Variants in CSTPP1 observed in about 807,000 individuals in gnomAD.
CSTPP1 encodes the protein centriolar satellite-associated tubulin polyglutamylase complex regulator 1.
chr11:46,978,792 G>A, the CSTPP1 span, among the ~76,000 whole-genome samples: 24 of 152,214 alleles, frequency 1.6e-4, no homozygotes, highest in African/African-American at 5.1e-4. Context: ...CCCCACCTTC[G>A]TGCAGAGCCA....
At chr11:47,031,638 A>G in the CSTPP1 span, among the ~76,000 whole-genome samples, 1 of 151,316 alleles carries the variant, frequency 6.6e-6, no homozygotes, top group South Asian at 2.1e-4. Flanking sequence ...TTGAGGCTAC[A>G]GTGAGCTATG....
chr11:46,998,092 T>C, the CSTPP1 span, among the ~76,000 whole-genome samples: 1 of 152,126 alleles, frequency 6.6e-6, no homozygotes, highest in Non-Finnish European at 1.5e-5. Context: ...CAAAGCTCCG[T>C]TGGAAATGCG....
the CSTPP1 span, among the ~76,000 whole-genome samples, chr11:47,111,750 C>T: frequency 7.2e-5 from 11 of 152,286 alleles, no homozygotes; most frequent in African/African-American, 2.6e-4. Flanking sequence ...CACCAAAGTA[C>T]ATAAATGGTG....
chr11:47,040,080 T>C, the CSTPP1 span, among the ~76,000 whole-genome samples: 4 of 128,778 alleles, frequency 3.1e-5, 1 homozygote, highest in Non-Finnish European at 7.4e-5. Flanking sequence ...ACCTGGCAGA[T>C]GCTGCTCTAA....
chr11:47,095,013 A>G, the CSTPP1 span, among the ~76,000 whole-genome samples: 2 of 152,120 alleles, frequency 1.3e-5, no homozygotes, highest in South Asian at 4.1e-4. Flanking sequence ...TTTTTATTTT[A>G]CTGATTTGAC....
the CSTPP1 span, chr11:47,156,984 G>C: frequency 4.4e-6 from 7 of 1,607,826 alleles, no homozygotes; most frequent in Non-Finnish European, 5.1e-6. Context: ...CTCCCTGCCT[G>C]AGCCGTCCAC....
At chr11:46,974,909 T>G in the CSTPP1 span, among the ~76,000 whole-genome samples, 1 of 143,532 alleles carries the variant, frequency 7.0e-6, no homozygotes. Flanking sequence ...CACACAATAC[T>G]CCAATTTTTA....
the CSTPP1 span, among the ~76,000 whole-genome samples, chr11:46,993,268 T>G: frequency 1.3e-5 from 2 of 152,192 alleles, no homozygotes; most frequent in Admixed American, 1.3e-4. Flanking sequence ...AGTTTTGGCT[T>G]TTGTTGCCAT....
At chr11:47,101,678 C>T in the CSTPP1 span, among the ~76,000 whole-genome samples, 1 of 152,020 alleles carries the variant, frequency 6.6e-6, no homozygotes, top group Non-Finnish European at 1.5e-5. Flanking sequence ...GAAACAGTAA[C>T]CTTTAGAACA....
chr11:46,955,474 C>A, the CSTPP1 span, among the ~76,000 whole-genome samples: 21 of 151,938 alleles, frequency 1.4e-4, no homozygotes, highest in Admixed American at 6.6e-5. Flanking sequence ...AGCGATTCCC[C>A]CGCCTCAGCC....
chr11:47,019,973 CTATA>C, the CSTPP1 span, among the ~76,000 whole-genome samples: 1 of 152,120 alleles, frequency 6.6e-6, no homozygotes, highest in Non-Finnish European at 1.5e-5. Context: ...AATACATAGG[CTATA>C]TATATTTTAA....
chr11:47,109,090 C>A, the CSTPP1 span: 1 of 152,132 alleles, frequency 6.6e-6, no homozygotes, highest in Admixed American at 6.6e-5. Flanking sequence ...GATGGGCTCA[C>A]CAAAAATGAA....
chr11:46,994,716 G>A, the CSTPP1 span, among the ~76,000 whole-genome samples: 7 of 152,158 alleles, frequency 4.6e-5, no homozygotes, highest in Non-Finnish European at 8.8e-5. Flanking sequence ...ATGTTCATCA[G>A]GGATATTGGT....
the CSTPP1 span, among the ~76,000 whole-genome samples, chr11:47,122,904 T>C: frequency 6.6e-6 from 1 of 152,214 alleles, no homozygotes; most frequent in Non-Finnish European, 1.5e-5. Context: ...TTCTTCTGAT[T>C]GCAAGAAAGC....
chr11:46,967,270 A>G, the CSTPP1 span, among the ~76,000 whole-genome samples: 19 of 152,242 alleles, frequency 1.2e-4, no homozygotes, highest in East Asian at 1.7e-3. Context: ...TTTTTTGTAT[A>G]TGAGTTGTAT....
the CSTPP1 span, among the ~76,000 whole-genome samples, chr11:47,007,431 C>T: frequency 4.3e-4 from 66 of 152,086 alleles, no homozygotes; most frequent in Non-Finnish European, 9.6e-4. Flanking sequence ...CTATTAAACC[C>T]ATCTACTGAG....
At chr11:47,154,794 G>A in the CSTPP1 span, 1 of 268,270 alleles carries the variant, frequency 3.7e-6, no homozygotes, top group African/African-American at 2.1e-5. Context: ...CCTCACGGCA[G>A]AATGAAAGGA....
chr11:46,999,589 C>T, the CSTPP1 span, among the ~76,000 whole-genome samples: 1 of 152,202 alleles, frequency 6.6e-6, no homozygotes, highest in Non-Finnish European at 1.5e-5. Flanking sequence ...AAGCTTATCA[C>T]ACAGCCTTAG....
At chr11:47,156,974 C>T in the CSTPP1 span, 1 of 1,592,792 alleles carries the variant, frequency 6.3e-7, no homozygotes, top group Non-Finnish European at 8.6e-7. Flanking sequence ...AAAACATGTC[C>T]TCCCTGCCTG....
Sources: allele counts gnomAD v4.1 joint callset (sites outside exome capture counted in the v4.1 genomes callset), GRCh38; gene constraint gnomAD v4.1.1; transcripts MANE v1.5; gene names NCBI Gene and HGNC (gene_info 2026-07-23, HGNC 2026-07-21).